Variants in AGBL4 observed in about 807,000 individuals in gnomAD.
AGBL4 encodes the protein cytosolic carboxypeptidase 6.
In AGBL4, 58 loss-of-function variants were observed where a neutral mutation model predicts 66.4. The observed-to-expected ratio is 0.87, with a 90% CI of 0.71 to 1.09. The LOEUF (loss-of-function observed/expected upper bound fraction) is 1.09. Ranked by LOEUF, AGBL4 falls within the 50% of genes least tolerant of loss-of-function variation. The probability of loss-of-function intolerance (pLI) is 0.00; values close to 1 mark genes in which losing one functional copy is unlikely to be tolerated. For missense variants in AGBL4, 579 were observed against 631.0 expected, an observed-to-expected ratio of 0.92 and a Z score of 0.88; for synonymous variants, 234 against 222.9, an observed-to-expected ratio of 1.05 and a Z score of -0.44.
chr1:49,476,364 G>A (rs1646845035), intron 3 of AGBL4, among the ~76,000 whole-genome samples: 2 of 152,004 alleles, frequency 1.3e-5, no homozygotes, highest in Admixed American at 1.3e-4. Context: ...ATGTGCAGAT[G>A]ACAACGTACA....
chr1:49,584,616 G>A (rs1644611693), intron 3 of AGBL4, among the ~76,000 whole-genome samples: 1 of 152,114 alleles, frequency 6.6e-6, no homozygotes, highest in African/African-American at 2.4e-5. Flanking sequence ...CCCAGGATTT[G>A]TGGGTTTGTG....
chr1:48,633,736 C>G (rs1249254460), intron 9 of AGBL4, among the ~76,000 whole-genome samples: 1 of 152,234 alleles, frequency 6.6e-6, no homozygotes. Flanking sequence ...CTTCATTTCT[C>G]TAAGCTATGA....
chr1:49,142,089 G>A (rs1411236262), intron 4 of AGBL4, among the ~76,000 whole-genome samples: 2 of 152,202 alleles, frequency 1.3e-5, no homozygotes. Context: ...GAACCCTATT[G>A]TCAACTGTGC....
intron 4 of AGBL4, among the ~76,000 whole-genome samples, chr1:49,131,729 T>C (rs1201730098): frequency 1.3e-5 from 2 of 152,020 alleles, no homozygotes; most frequent in African/African-American, 4.8e-5. Context: ...ATTGACAGGA[T>C]TTAGTGATTG....
chr1:49,586,588 A>G (rs971212994), intron 3 of AGBL4, among the ~76,000 whole-genome samples: 2 of 152,182 alleles, frequency 1.3e-5, no homozygotes, highest in East Asian at 3.9e-4. Flanking sequence ...ATAAAAGAGG[A>G]TATCCTGCTC....
chr1:49,766,055 G>T (rs1189763162), intron 2 of AGBL4, among the ~76,000 whole-genome samples: 1 of 152,154 alleles, frequency 6.6e-6, no homozygotes, highest in African/African-American at 2.4e-5. Flanking sequence ...TCTTGCTACA[G>T]AGGTAGCCGG....
intron 4 of AGBL4, among the ~76,000 whole-genome samples, chr1:49,128,558 T>C (rs1391608164): frequency 6.6e-6 from 1 of 151,770 alleles, no homozygotes; most frequent in East Asian, 1.9e-4. Context: ...CAAACAGAAA[T>C]AGAAACAGAA....
intron 3 of AGBL4, among the ~76,000 whole-genome samples, chr1:49,522,493 T>C (rs937800776): frequency 1.3e-5 from 2 of 152,178 alleles, no homozygotes; most frequent in Non-Finnish European, 2.9e-5. Context: ...CTACCTGCCC[T>C]ATTAGACTAT....
At chr1:48,785,412 C>T (rs1016166428) in intron 6 of AGBL4, among the ~76,000 whole-genome samples, 2 of 152,088 alleles carry the variant, frequency 1.3e-5, no homozygotes, top group African/African-American at 2.4e-5. Flanking sequence ...AACAGGTGTA[C>T]GAAGGGCCAT....
intron 2 of AGBL4, among the ~76,000 whole-genome samples, chr1:49,782,791 C>G (rs1027086726): frequency 2.0e-5 from 3 of 152,168 alleles, no homozygotes; most frequent in Non-Finnish European, 4.4e-5. Context: ...TTGTTCTTTT[C>G]TCTTGCACTC....
intron 9 of AGBL4, among the ~76,000 whole-genome samples, chr1:48,621,951 AT>A (rs1163505629): frequency 2.0e-5 from 3 of 151,520 alleles, no homozygotes; most frequent in East Asian, 1.9e-4. Flanking sequence ...TCATAGTAAG[AT>A]TTTTTTTTCT....
intron 6 of AGBL4, among the ~76,000 whole-genome samples, chr1:48,763,100 AAACAACAAC>A (rs138330596): frequency 5.6e-4 from 84 of 151,204 alleles, no homozygotes; most frequent in Admixed American, 2.0e-3. Context: ...GATTTAATTA[AAACAACAAC>A]AACAACAACA....
rs561087510 is a variant in AGBL4 at position 49,056,471 on chromosome 1, T to C, written c.378-10671A>G. Among the ~76,000 whole-genome samples, 3 of 152,194 alleles carry C rather than the reference T, an allele frequency of 2.0e-5. No homozygotes were observed. The East Asian group carries it at 5.8e-4, about 29-fold the overall frequency. ...GAACTCAAAGTGAGGAAATAAACTATATATATAATTGGAAAAACTGAGCCA... is the reference window on the plus strand; with the variant it reads ...GAACTCAAAGTGAGGAAATAAACTACATATATAATTGGAAAAACTGAGCCA... On this transcript the variant is annotated intron_variant, in intron 4 of 13. Transcript: ENST00000371839.
At position 49,630,412 on chromosome 1, in the gene AGBL4, C is replaced by T. The variant is rs370959262; in HGVS notation, c.282+66901G>A. ...GTGTCACTTAATGTGTCCTGTCCAA[C>T]AGGCCTATTTTCCTCAGCCTTGTTA... On this transcript the variant is annotated intron_variant, in intron 3 of 13. Transcript: ENST00000371839. Among the ~76,000 whole-genome samples, 52 of 152,260 alleles carry T rather than the reference C, an allele frequency of 3.4e-4. 1 individual carries two copies. In the South Asian group the frequency reaches 9.5e-3, roughly 28 times the overall value.
chr1:49,782,817 C>T (rs1316820438), intron 2 of AGBL4, among the ~76,000 whole-genome samples: 1 of 152,154 alleles, frequency 6.6e-6, no homozygotes, highest in Admixed American at 6.5e-5. Context: ...GCCCTTCTGC[C>T]ATGAGATGAT....
At chr1:48,606,794 C>A (rs969076680) in intron 9 of AGBL4, among the ~76,000 whole-genome samples, 1 of 152,132 alleles carries the variant, frequency 6.6e-6, no homozygotes, top group Non-Finnish European at 1.5e-5. Flanking sequence ...TCACCTAAAT[C>A]CATTTTCCAT....
chr1:49,101,556 A>G (rs537591236), intron 4 of AGBL4, among the ~76,000 whole-genome samples: 2 of 152,320 alleles, frequency 1.3e-5, no homozygotes, highest in South Asian at 4.1e-4. Flanking sequence ...AGAATACTCT[A>G]TACAGAATAA....
intron 6 of AGBL4, among the ~76,000 whole-genome samples, chr1:48,827,457 C>A (rs1646450594): frequency 6.6e-6 from 1 of 152,146 alleles, no homozygotes; most frequent in Admixed American, 6.5e-5. Flanking sequence ...TACAGAAAAG[C>A]CCCAGAAGCC....
chr1:49,718,452 A>C (rs1276209974), intron 2 of AGBL4, among the ~76,000 whole-genome samples: 2 of 152,050 alleles, frequency 1.3e-5, no homozygotes, highest in African/African-American at 4.8e-5. Context: ...AAATTGCCCA[A>C]TCTCATATAT....
Sources: gnomAD v4.1 joint callset for allele counts (sites outside exome capture counted in the v4.1 genomes callset) on GRCh38, gnomAD v4.1.1 for gene constraint, MANE v1.5 for transcripts, NCBI Gene and HGNC (gene_info 2026-07-23, HGNC 2026-07-21) for gene names.